SPECC1: variants seen among roughly 807,000 people sequenced by gnomAD.
The protein encoded by SPECC1 is cytospin-B.
Under a neutral mutation model 104.1 loss-of-function variants are expected in SPECC1, and 62 were observed. The ratio of observed to expected loss-of-function variants is 0.60; its 90% CI spans 0.49 to 0.74. The LOEUF is 0.74. SPECC1 is among the 30% of genes least tolerant of loss of function. The pLI, the probability that SPECC1 is intolerant of heterozygous loss-of-function variation, is 0.00. For synonymous variants in SPECC1, 513 were observed against 501.6 expected, an observed-to-expected ratio of 1.02 and a Z score of -0.30; for missense variants, 1,306 against 1,310.5, an observed-to-expected ratio of 1.00 and a Z score of 0.05.
chr17:20,130,351 A>G (rs1247648103), intron 3 of SPECC1, among the ~76,000 whole-genome samples: 1 of 152,134 alleles, frequency 6.6e-6, no homozygotes, highest in Admixed American at 6.5e-5. Context: ...CCTGGACAAC[A>G]CGGCAAGATC....
At chr17:20,160,220 A>G (rs1288270031) in intron 3 of SPECC1, among the ~76,000 whole-genome samples, 1 of 152,162 alleles carries the variant, frequency 6.6e-6, no homozygotes, top group Non-Finnish European at 1.5e-5. Context: ...TTGCTGCCTC[A>G]TGTCGCATCT....
intron 8 of SPECC1, 28 bp downstream of exon 8, chr17:20,246,099 A>C: frequency 6.2e-7 from 1 of 1,610,982 alleles, no homozygotes; most frequent in Non-Finnish European, 8.5e-7. Flanking sequence ...CTATAAGCAA[A>C]GCTCCAAATT....
chr17:20,204,079 C>T (rs193147052), intron 3 of SPECC1, among the ~76,000 whole-genome samples: 135 of 152,262 alleles, frequency 8.9e-4, no homozygotes, highest in Non-Finnish European at 1.7e-3. Flanking sequence ...TGTGCCCATG[C>T]GTGAACCAGC....
intron 12 of SPECC1, among the ~76,000 whole-genome samples, chr17:20,273,761 G>A (rs531902715): frequency 1.3e-5 from 2 of 152,252 alleles, no homozygotes; most frequent in South Asian, 2.1e-4. Context: ...TTTGCCCTTC[G>A]CCACTGCTGG....
chr17:20,183,469 C>T (rs1472863962), intron 3 of SPECC1, among the ~76,000 whole-genome samples: 1 of 152,108 alleles, frequency 6.6e-6, no homozygotes, highest in Non-Finnish European at 1.5e-5. Flanking sequence ...CTGAATGTCC[C>T]TCAGTAGGAA....
intron 12 of SPECC1, among the ~76,000 whole-genome samples, chr17:20,275,753 AGCAGCCGAAGG>A (rs1265387865): frequency 6.6e-6 from 1 of 152,174 alleles, no homozygotes; most frequent in African/African-American, 2.4e-5. Flanking sequence ...TCAAGGCCTG[AGCAGCCGAAGG>A]CCCATCAGTG....
chr17:20,307,086 T>G (rs1476457967), intron 14 of SPECC1, among the ~76,000 whole-genome samples: 1 of 152,108 alleles, frequency 6.6e-6, no homozygotes, highest in Non-Finnish European at 1.5e-5. Flanking sequence ...GCCAAACTCA[T>G]TAGATACAGC....
intron 1 of SPECC1, among the ~76,000 whole-genome samples, chr17:20,036,798 T>C (rs2045105684): frequency 6.6e-6 from 1 of 152,204 alleles, no homozygotes; most frequent in Non-Finnish European, 1.5e-5. Flanking sequence ...AGGTCTTTCA[T>C]TTCCCTTTCT....
chr17:20,084,530 A>G (rs540702583), intron 1 of SPECC1, among the ~76,000 whole-genome samples: 1 of 152,284 alleles, frequency 6.6e-6, no homozygotes, highest in East Asian at 1.9e-4. Context: ...TGTTTTGCAG[A>G]TATTTCCCTT....
chr17:20,103,320 C>T (rs1420836811), intron 2 of SPECC1, among the ~76,000 whole-genome samples: 1 of 152,186 alleles, frequency 6.6e-6, no homozygotes, highest in Non-Finnish European at 1.5e-5. Context: ...GCTTTCTCCA[C>T]ATTCGTTTCT....
intron 11 of SPECC1, among the ~76,000 whole-genome samples, chr17:20,259,864 G>T (rs1452022489): frequency 1.3e-5 from 2 of 152,068 alleles, no homozygotes; most frequent in African/African-American, 4.8e-5. Flanking sequence ...AACATGTAGG[G>T]TGTGTTTTGT....
chr17:20,297,207 C>G, intron 13 of SPECC1, 130 bp downstream of exon 13: 1 of 687,260 alleles, frequency 1.5e-6, no homozygotes, highest in Non-Finnish European at 2.5e-6. Flanking sequence ...GTACAGATAA[C>G]TCCTGAATGT....
chr17:20,180,033 G>A (rs1373199523), intron 3 of SPECC1, among the ~76,000 whole-genome samples: 1 of 152,060 alleles, frequency 6.6e-6, no homozygotes, highest in Non-Finnish European at 1.5e-5. Context: ...GGGACTGGGG[G>A]GCATGGTTAT....
intron 3 of SPECC1, among the ~76,000 whole-genome samples, chr17:20,120,237 T>A (rs1338524461): frequency 2.0e-5 from 3 of 151,998 alleles, no homozygotes; most frequent in Middle Eastern, 3.2e-3. Context: ...TAGAAAAAAA[T>A]TAGCCAAGTG....
chr17:20,305,790 T>G (rs2041742353), intron 13 of SPECC1: 1 of 451,126 alleles, frequency 2.2e-6, no homozygotes, highest in African/African-American at 2.0e-5. Context: ...TTGACAAAGG[T>G]AAACAAAAAT....
intron 14 of SPECC1, among the ~76,000 whole-genome samples, chr17:20,310,601 C>T (rs2041903863): frequency 6.6e-6 from 1 of 152,224 alleles, no homozygotes; most frequent in African/African-American, 2.4e-5. Flanking sequence ...ATGTCACTGT[C>T]ATAAAAACGG....
intron 4 of SPECC1, among the ~76,000 whole-genome samples, chr17:20,214,635 G>A (rs779149894): frequency 6.6e-6 from 1 of 152,152 alleles, no homozygotes; most frequent in African/African-American, 2.4e-5. Flanking sequence ...AGCCTCCTGA[G>A]TAGCTGGGAT....
intron 2 of SPECC1, among the ~76,000 whole-genome samples, chr17:20,097,280 C>T (rs144219098): frequency 0.013 from 2,017 of 152,324 alleles, 15 homozygotes; most frequent in Admixed American, 0.029. Flanking sequence ...GCCCATGCCA[C>T]ATTCCTAGAC....
chr17:20,260,401 T>A, intron 12 of SPECC1, 107 bp downstream of exon 12: 1 of 894,926 alleles, frequency 1.1e-6, no homozygotes, highest in East Asian at 2.7e-5. Flanking sequence ...ATGCATGTAA[T>A]TGTCATCTTT....
Sources: gnomAD v4.1 joint callset for allele counts (sites outside exome capture counted in the v4.1 genomes callset) on GRCh38, gnomAD v4.1.1 for gene constraint, MANE v1.5 for transcripts, NCBI Gene and HGNC (gene_info 2026-07-23, HGNC 2026-07-21) for gene names.